Variants in CELF6 observed in about 807,000 individuals in gnomAD.
CELF6 encodes Bruno -like 6, RNA binding protein.
CELF6 carries 32 observed loss-of-function variants against 53.1 expected under a neutral mutation model. That is an observed-to-expected ratio of 0.60 (90% confidence interval 0.46 to 0.81). The LOEUF (loss-of-function observed/expected upper bound fraction) is 0.81, where lower values mean the gene tolerates loss of function less well. Ranked by LOEUF, CELF6 falls within the 30% of genes least tolerant of loss-of-function variation. The pLI is 0.00. For synonymous variants in CELF6, 291 were observed against 288.8 expected, an observed-to-expected ratio of 1.01 and a Z score of -0.08; for missense variants, 539 against 669.5, an observed-to-expected ratio of 0.81 and a Z score of 2.15.
chr15:72,299,101 G>T (rs113228585), intron 3 of CELF6, among the ~76,000 whole-genome samples: 103 of 151,866 alleles, frequency 6.8e-4, no homozygotes, highest in African/African-American at 1.8e-3. Flanking sequence ...CCAGCTACTC[G>T]GGAGGGTGAG....
intron 2 of CELF6, chr15:72,306,393 A>C (rs1008821209): frequency 1.9e-4 from 130 of 694,426 alleles, no homozygotes; most frequent in Non-Finnish European, 2.3e-4. Flanking sequence ...ATCAGGGGCC[A>C]CTCCATCCCT....
chr15:72,300,233 C>T (rs2088134083), intron 3 of CELF6, among the ~76,000 whole-genome samples: 1 of 151,910 alleles, frequency 6.6e-6, no homozygotes, highest in Admixed American at 6.6e-5. Context: ...TAGTGGCATG[C>T]ACCTGTAGTC....
At position 72,289,636 on chromosome 15, in the gene CELF6, G is replaced by A; in HGVS notation, c.738C>T (p.Tyr246=). The A allele has an allele frequency of 6.7e-7, 1 of 1,503,494 alleles. No homozygotes were observed. The allele number at this position is 1,503,494 out of a possible 1,614,324, so 93.1% of individuals were successfully genotyped here. A position where few individuals can be genotyped will look rare whatever the true frequency, so the allele number is the denominator to read the frequency against. The stretch of plus-strand genomic sequence containing the variant: ...GGTGCCCGGTACCTACCGCCGTGGT[G>A]TAGGCGCCGCAGGCCCCTAGCGGCA... ...APLPLGACGA[Y]TTAILQHQAA... is the part of the protein sequence containing the mutation. The change falls in exon 6 of 13, where the codon TAC becomes TAT. Residue 246 remains tyrosine, a synonymous_variant. Transcript: ENST00000287202. This position sits in a 1 kb window ranked among gnomAD's most constrained non-coding sequence, Gnocchi z 7.6.
At chr15:72,312,808 C>T (rs561200624) in intron 2 of CELF6, among the ~76,000 whole-genome samples, 7 of 152,278 alleles carry the variant, frequency 4.6e-5, no homozygotes, top group Admixed American at 4.6e-4. Context: ...GTGCTCAGGA[C>T]CCAATGGCAG....
intron 3 of CELF6, among the ~76,000 whole-genome samples, chr15:72,301,865 T>C (rs1241144353): frequency 1.3e-5 from 2 of 151,642 alleles, no homozygotes; most frequent in Non-Finnish European, 2.9e-5. Flanking sequence ...GCCTCCTGAG[T>C]AGATGGGACT....
chr15:72,303,801 AC>A, intron 3 of CELF6, among the ~76,000 whole-genome samples: 1 of 152,092 alleles, frequency 6.6e-6, no homozygotes, highest in Non-Finnish European at 1.5e-5. Context: ...GCTGGCCAGA[AC>A]CCAGCTGGTT....
chr15:72,289,179 C>A lies in CELF6; in HGVS notation c.989G>T (p.Gly330Val). The change falls in exon 8 of 13, where the codon GGC (glycine) becomes GTC (valine). Residue 330 changes from glycine to valine, a missense_variant. Around this residue, in one of 3 missense-constraint regions of CELF6, gnomAD observed 358 missense variants for 412.8 expected, o/e 0.87. Coordinates refer to ENST00000287202, the MANE Select transcript of CELF6 (RefSeq NM_052840.5). The surrounding 1 kb of genome is among the most constrained non-coding windows in gnomAD (Gnocchi z 7.6). The stretch of plus-strand genomic sequence containing the variant: ...CCCGTTATTGTAGAGCGTGTCGGAG[C>A]CCGGCTGGCCATTGGTCTGGGGGGT... ...PLTPQTNGQP[G>V]SDTLYNNGLS... 1.3e-6 allele frequency: 2 copies of A among 1,558,514 alleles called. No homozygotes were observed. Among genetic ancestry groups the A allele is most frequent in the Admixed American group, 2.2e-5 (1 of 44,502 alleles).
chr15:72,308,205 G>C (rs1030534324), intron 2 of CELF6, among the ~76,000 whole-genome samples: 2 of 150,760 alleles, frequency 1.3e-5, no homozygotes, highest in African/African-American at 5.0e-5. Flanking sequence ...AGATACCTCA[G>C]ATATAAAAAG....
chr15:72,309,692 C>T (rs2088272314), intron 2 of CELF6, among the ~76,000 whole-genome samples: 1 of 152,154 alleles, frequency 6.6e-6, no homozygotes, highest in African/African-American at 2.4e-5. Context: ...CCTGGGCAAC[C>T]TATTATATAT....
intron 1 of CELF6, among the ~76,000 whole-genome samples, chr15:72,318,992 G>A (rs997675230): frequency 1.3e-5 from 2 of 152,182 alleles, no homozygotes; most frequent in African/African-American, 2.4e-5. Context: ...TTGAACATGA[G>A]GGGGTGTCTG....
chr15:72,293,385 G>C (rs1053513037), intron 3 of CELF6, among the ~76,000 whole-genome samples: 3 of 152,186 alleles, frequency 2.0e-5, no homozygotes, highest in Non-Finnish European at 4.4e-5. Context: ...TGCCTCCAAA[G>C]AGAGATGATG....
chr15:72,303,702 G>A (rs2088186423), intron 3 of CELF6, among the ~76,000 whole-genome samples: 1 of 152,252 alleles, frequency 6.6e-6, no homozygotes, highest in East Asian at 1.9e-4. Context: ...AGGGCTATAG[G>A]CTGATACACT....
intron 3 of CELF6, among the ~76,000 whole-genome samples, chr15:72,297,817 A>G (rs949650220): frequency 3.9e-5 from 6 of 152,200 alleles, no homozygotes; most frequent in African/African-American, 1.4e-4. Flanking sequence ...GATTGGTTAT[A>G]CAATGTGAAT....
At chr15:72,316,951 C>T (rs1022476866) in intron 1 of CELF6, among the ~76,000 whole-genome samples, 8 of 152,038 alleles carry the variant, frequency 5.3e-5, no homozygotes, top group Admixed American at 2.6e-4. Flanking sequence ...ACTGAGTCCT[C>T]GAGAACAAGA....
intron 3 of CELF6, 121 bp downstream of exon 3, chr15:72,304,625 C>A (rs756302673): frequency 6.9e-5 from 58 of 839,552 alleles, no homozygotes; most frequent in Non-Finnish European, 1.1e-4. Context: ...CAACTCTGAG[C>A]CCCACCTGTC....
chr15:72,301,119 G>C (rs964628945), intron 3 of CELF6, among the ~76,000 whole-genome samples: 2 of 152,030 alleles, frequency 1.3e-5, no homozygotes, highest in African/African-American at 2.4e-5. Context: ...GAGTAGCTGG[G>C]TAGCTGGGAC....
In CELF6 at chr15:72,289,922, A is replaced by G; in HGVS notation, c.603+17T>C. On this transcript the variant is annotated intron_variant, in intron 5 of 12. Transcript: ENST00000287202. The surrounding 1 kb of genome is among the most constrained non-coding windows in gnomAD (Gnocchi z 7.6). ...ACCCCACTGGCCTCACCCTCAGCCC[A>G]GGGAACCCGCCCTCACCGCCATGGT... The G allele has an allele frequency of 6.4e-7, 1 of 1,551,958 alleles. No individual in the cohort carries two copies. The highest frequency in any genetic ancestry group is 8.7e-7 in the Non-Finnish European group (1 of 1,150,888).
At chr15:72,308,220 T>C (rs1183087775) in intron 2 of CELF6, among the ~76,000 whole-genome samples, 15 of 144,422 alleles carry the variant, frequency 1.0e-4, no homozygotes, top group Admixed American at 9.9e-4. Context: ...AAAAAGTTAT[T>C]GTTTTTTTTT....
rs2087954603 is a variant in CELF6 at position 72,288,679 on chromosome 15, A to G, written c.1094-61T>C. Reference sequence around the variant, plus strand: ...GGAGCCCTTCCCCAAGCAGGGCCCCAACTGCCTGGCCGCTTTTGACCAATT... The same window carrying G: ...GGAGCCCTTCCCCAAGCAGGGCCCCGACTGCCTGGCCGCTTTTGACCAATT... On this transcript the variant is annotated intron_variant, in intron 9 of 12. Coordinates refer to ENST00000287202, the MANE Select transcript of CELF6 (RefSeq NM_052840.5). The surrounding 1 kb of genome is among the most constrained non-coding windows in gnomAD (Gnocchi z 4.6). 6.0e-6 allele frequency: 9 copies of G among 1,497,812 alleles called. No individual in the cohort carries two copies. Among genetic ancestry groups the G allele is most frequent in the Non-Finnish European group, 7.3e-6 (8 of 1,099,702 alleles). 92.8% of individuals were successfully genotyped at this position (1,497,812 alleles called of 1,614,324 possible). A position where few individuals can be genotyped will look rare whatever the true frequency, so the allele number is the denominator to read the frequency against.
Sources: allele counts gnomAD v4.1 joint callset (sites outside exome capture counted in the v4.1 genomes callset), GRCh38; gene constraint gnomAD v4.1.1; regional missense constraint gnomAD v4.1.1; non-coding constraint Gnocchi (gnomAD v3.1); transcripts MANE v1.5; gene names NCBI Gene and HGNC (gene_info 2026-07-23, HGNC 2026-07-21).